SELENOT: variants seen among roughly 807,000 people sequenced by gnomAD.
The protein encoded by SELENOT is selenoprotein T.
A neutral mutation model predicts 24.3 loss-of-function variants in SELENOT; 9 were observed. The ratio of observed to expected loss-of-function variants is 0.37; its 90% CI spans 0.22 to 0.65. The LOEUF (loss-of-function observed/expected upper bound fraction) is 0.65. SELENOT is among the 30% of genes least tolerant of loss of function. The probability of loss-of-function intolerance (pLI) is 0.60; values close to 1 mark genes in which losing one functional copy is unlikely to be tolerated. For synonymous variants in SELENOT, 81 were observed against 86.0 expected, an observed-to-expected ratio of 0.94 and a Z score of 0.32; for missense variants, 166 against 247.6, an observed-to-expected ratio of 0.67 and a Z score of 2.21.
chr3:150,617,491 T>C (rs533562561), intron 1 of SELENOT, among the ~76,000 whole-genome samples: 50 of 152,286 alleles, frequency 3.3e-4, no homozygotes, highest in African/African-American at 1.1e-3. Flanking sequence ...TACCAGTTAT[T>C]GAGGAGACTG....
At chr3:150,604,866 A>G (rs1335814236) in intron 1 of SELENOT, among the ~76,000 whole-genome samples, 1 of 152,028 alleles carries the variant, frequency 6.6e-6, no homozygotes, top group East Asian at 1.9e-4. Context: ...AGAAACCCCC[A>G]TCTCTACTAA....
chr3:150,611,702 A>C, intron 1 of SELENOT: 1 of 1,597,264 alleles, frequency 6.3e-7, no homozygotes, highest in African/African-American at 1.3e-5. Context: ...ACCGCTCACC[A>C]TCCTCCGCAG....
At chr3:150,611,655 C>T (rs1010577684) in intron 1 of SELENOT, 2 of 1,598,184 alleles carry the variant, frequency 1.3e-6, no homozygotes, top group Non-Finnish European at 1.7e-6. Flanking sequence ...CTTCTGGATC[C>T]TCTTGCTGAA....
At chr3:150,606,691 C>T (rs1725972457) in intron 1 of SELENOT, among the ~76,000 whole-genome samples, 1 of 152,024 alleles carries the variant, frequency 6.6e-6, no homozygotes, top group African/African-American at 2.4e-5. Flanking sequence ...CTCCTGGGCT[C>T]AAGAGATTCT....
At chr3:150,619,636 A>G (rs952337382) in intron 1 of SELENOT, among the ~76,000 whole-genome samples, 11 of 152,232 alleles carry the variant, frequency 7.2e-5, no homozygotes, top group Admixed American at 5.9e-4. Flanking sequence ...TAGTGTGTTC[A>G]TATACTTATT....
intron 4 of SELENOT, 84 bp downstream of exon 4, chr3:150,624,983 A>C (rs1726411212): frequency 1.6e-6 from 1 of 633,618 alleles, no homozygotes; most frequent in South Asian, 3.4e-5. Flanking sequence ...ATAATAAGAT[A>C]AACTTCTTTA....
intron 1 of SELENOT, among the ~76,000 whole-genome samples, chr3:150,608,741 GC>G (rs1443544924): frequency 3.7e-4 from 57 of 152,272 alleles, no homozygotes; most frequent in African/African-American, 1.3e-3. Context: ...AAAAATAGCT[GC>G]AGCATGTAAT....
Position 150,603,324 on chromosome 3 carries a change from GTC to G in SELENOT, c.-37_-36del, listed in dbSNP as rs760030410. 6.3e-7 allele frequency: 1 copy of G among 1,593,020 alleles called. No homozygotes were observed. Among genetic ancestry groups the G allele is most frequent in the African/African-American group, 1.3e-5 (1 of 74,612 alleles). ...GCTCCTGGGCTTTGGGCTGGCTGCA[GTC>G]TGTCTGAGGGCGGCCGAAGTGGCTG... On this transcript the variant is annotated 5_prime_UTR_variant, in exon 1 of 6. Coordinates refer to ENST00000471696, the MANE Select transcript of SELENOT (RefSeq NM_016275.5).
Position 150,603,482 on chromosome 3 carries a change from G to A in SELENOT, c.120G>A (p.Leu40=). Residue 40 remains leucine (L), a synonymous_variant, in exon 1 of 6, where the codon CTG becomes CTA. Transcript: ENST00000471696. ...AGATGCAGTACGCCACGGGGCCGCTGCTCAAGTTCCAGATTTGGTGAGTAT... is the reference window on the plus strand; with the variant it reads ...AGATGCAGTACGCCACGGGGCCGCTACTCAAGTTCCAGATTTGGTGAGTAT... ...RLKMQYATGP[L]LKFQICVSUG... 6.2e-7 allele frequency: 1 copy of A among 1,607,318 alleles called. No individual in the cohort carries two copies. Among genetic ancestry groups the A allele is most frequent in the African/African-American group, 1.3e-5 (1 of 74,936 alleles).
At position 150,606,741 on chromosome 3, in the gene SELENOT, C is replaced by T. The variant is rs373303825; in HGVS notation, c.137+3242C>T. On this transcript the variant is annotated intron_variant, in intron 1 of 5. Coordinates refer to ENST00000471696, the MANE Select transcript of SELENOT (RefSeq NM_016275.5). ...CTGAGTAGCTGGGACTGCAGGTGTG[C>T]ACCACCACGCCTGGCTAATTTTTGT... is the stretch of plus-strand genomic sequence containing the variant. Among the ~76,000 whole-genome samples, 6 of 152,118 alleles carry T rather than the reference C, an allele frequency of 3.9e-5. No homozygotes were observed. The East Asian group carries it at 1.2e-3, about 29-fold the overall frequency.
rs147839237 is a variant in SELENOT at position 150,604,473 on chromosome 3, G to C, written c.137+974G>C. Among the ~76,000 whole-genome samples, 8 of 152,170 alleles carry C rather than the reference G, an allele frequency of 5.3e-5. No homozygotes were observed. In the South Asian group the frequency reaches 6.2e-4, roughly 12 times the overall value. On this transcript the variant is annotated intron_variant, in intron 1 of 5. Coordinates refer to ENST00000471696, the MANE Select transcript of SELENOT (RefSeq NM_016275.5). ...TAAACCGACCATCCCAGAATAGCCAGATTAGTAAATCATCAGAGTCCGGAT... is the reference window on the plus strand; with the variant it reads ...TAAACCGACCATCCCAGAATAGCCACATTAGTAAATCATCAGAGTCCGGAT...
At chr3:150,618,356 A>C (rs1353127309) in intron 1 of SELENOT, among the ~76,000 whole-genome samples, 1 of 152,238 alleles carries the variant, frequency 6.6e-6, no homozygotes, top group East Asian at 1.9e-4. Context: ...GAAAACCACA[A>C]ACAAGTATTT....
At chr3:150,611,806 G>A (rs1576530775) in intron 1 of SELENOT, 1 of 1,011,666 alleles carries the variant, frequency 9.9e-7, no homozygotes, top group Non-Finnish European at 1.4e-6. Context: ...CGATTTCCCG[G>A]ACGAGGCACT....
intron 1 of SELENOT, among the ~76,000 whole-genome samples, chr3:150,610,410 C>G (rs1559895492): frequency 6.6e-6 from 1 of 152,114 alleles, no homozygotes; most frequent in African/African-American, 2.4e-5. Context: ...AAGTTTGCAT[C>G]TTAGTAACCA....
chr3:150,625,638 TA>T lies in SELENOT; in HGVS notation c.463+749del, dbSNP rs200078406. On this transcript the variant is annotated intron_variant, in intron 4 of 5. Coordinates refer to ENST00000471696, the MANE Select transcript of SELENOT (RefSeq NM_016275.5). ...AATAATGTTTTTTACACTTTTTGGT[TA>T]AAAAAAAAACTAATGTTTTATGACA... Among the ~76,000 whole-genome samples the T allele has an allele frequency of 8.7e-4, 130 of 149,270 alleles. 1 individual carries two copies. The highest frequency in any genetic ancestry group is 3.4e-3 in the Middle Eastern group (1 of 294).
At chr3:150,615,581 A>T (rs1034152061) in intron 1 of SELENOT, among the ~76,000 whole-genome samples, 14 of 152,224 alleles carry the variant, frequency 9.2e-5, no homozygotes, top group African/African-American at 3.1e-4. Context: ...CCAAATCATG[A>T]GTGAACTCCC....
At chr3:150,611,098 G>A (rs1448365263) in intron 1 of SELENOT, among the ~76,000 whole-genome samples, 1 of 151,278 alleles carries the variant, frequency 6.6e-6, no homozygotes, top group Non-Finnish European at 1.5e-5. Context: ...TTTAATTTAG[G>A]AAAGCTCATT....
chr3:150,611,348 T>A (rs1357779751), intron 1 of SELENOT: 1 of 1,187,922 alleles, frequency 8.4e-7, no homozygotes, highest in South Asian at 1.2e-5. Flanking sequence ...TCTTTTTCAC[T>A]CACTGGAATA....
At chr3:150,612,095 C>T (rs1424713505) in intron 1 of SELENOT, among the ~76,000 whole-genome samples, 1 of 151,408 alleles carries the variant, frequency 6.6e-6, no homozygotes, top group East Asian at 1.9e-4. Context: ...ATGGGGTCTT[C>T]AGCTTTTTTT....
Sources: allele counts gnomAD v4.1 joint callset (sites outside exome capture counted in the v4.1 genomes callset), GRCh38; gene constraint gnomAD v4.1.1; transcripts MANE v1.5; gene names NCBI Gene and HGNC (gene_info 2026-07-23, HGNC 2026-07-21).